The following NAALADL2 variants were observed in gnomAD, a reference collection of about 807,000 sequenced individuals.
NAALADL2 encodes N-acetylated alpha-linked acidic dipeptidase like 2, also known as inactive N-acetylated-alpha-linked acidic dipeptidase-like protein 2.
NAALADL2 carries 76 observed loss-of-function variants against 87.2 expected under a neutral mutation model. The observed-to-expected ratio is 0.87, with a 90% CI of 0.72 to 1.05. The LOEUF (loss-of-function observed/expected upper bound fraction) is 1.05. NAALADL2 is among the 50% of genes least tolerant of loss of function. The pLI is 0.00. For synonymous variants in NAALADL2, 354 were observed against 331.0 expected, an observed-to-expected ratio of 1.07 and a Z score of -0.75; for missense variants, 1,089 against 945.8, an observed-to-expected ratio of 1.15 and a Z score of -1.99.
At chr3:175,340,702 T>C (rs1417437899) in intron 5 of NAALADL2, among the ~76,000 whole-genome samples, 1 of 152,192 alleles carries the variant, frequency 6.6e-6, no homozygotes, top group Non-Finnish European at 1.5e-5. Flanking sequence ...AGGATACAGA[T>C]GCAATTAACA....
chr3:175,545,878 T>A (rs1360693062), intron 9 of NAALADL2, among the ~76,000 whole-genome samples: 2 of 152,156 alleles, frequency 1.3e-5, no homozygotes, highest in African/African-American at 4.8e-5. Context: ...ATAGATCTAT[T>A]GATGAACTTA....
At chr3:175,554,972 A>C (rs1311516563) in intron 9 of NAALADL2, among the ~76,000 whole-genome samples, 1 of 152,158 alleles carries the variant, frequency 6.6e-6, no homozygotes, top group Non-Finnish European at 1.5e-5. Context: ...ATGTAAATCT[A>C]AGAAAGACTT....
At chr3:174,922,774 A>G (rs997525899) in intron 1 of NAALADL2, among the ~76,000 whole-genome samples, 1 of 152,154 alleles carries the variant, frequency 6.6e-6, no homozygotes, top group Non-Finnish European at 1.5e-5. Context: ...TTTTTCCACA[A>G]CAACACTACT....
intron 2 of NAALADL2, among the ~76,000 whole-genome samples, chr3:174,666,101 A>G (rs1199070123): frequency 6.6e-6 from 1 of 152,170 alleles, no homozygotes; most frequent in Non-Finnish European, 1.5e-5. Context: ...TTTTTGGGGT[A>G]TAGTTTATTC....
chr3:175,330,397 C>A (rs1398194750), intron 5 of NAALADL2, among the ~76,000 whole-genome samples: 1 of 151,604 alleles, frequency 6.6e-6, no homozygotes, highest in Non-Finnish European at 1.5e-5. Flanking sequence ...GAGTCATGAT[C>A]ACAGTACTTC....
At chr3:175,753,357 T>A (rs1746848922) in intron 12 of NAALADL2, among the ~76,000 whole-genome samples, 1 of 152,178 alleles carries the variant, frequency 6.6e-6, no homozygotes, top group Non-Finnish European at 1.5e-5. Flanking sequence ...TAAAACTACT[T>A]ATCTCTTTAC....
intron 10 of NAALADL2, among the ~76,000 whole-genome samples, chr3:175,623,878 T>C (rs541778392): frequency 4.0e-5 from 6 of 151,824 alleles, no homozygotes; most frequent in Non-Finnish European, 5.9e-5. Flanking sequence ...CGTTTTTTTG[T>C]TTGTTTGTTT....
intron 13 of NAALADL2, 55 bp downstream of exon 13, chr3:175,755,473 T>G (rs1747148471): frequency 6.1e-6 from 8 of 1,320,214 alleles, no homozygotes; most frequent in Non-Finnish European, 8.2e-6. Context: ...ATGTTTATGT[T>G]TAACTTTCAG....
chr3:175,410,734 G>A (rs1713351564), intron 5 of NAALADL2, among the ~76,000 whole-genome samples: 1 of 152,178 alleles, frequency 6.6e-6, no homozygotes, highest in Non-Finnish European at 1.5e-5. Flanking sequence ...CGACTCTCCT[G>A]AGAGAGTAAT....
chr3:174,589,417 A>C (rs1717114567), intron 2 of NAALADL2, among the ~76,000 whole-genome samples: 1 of 152,164 alleles, frequency 6.6e-6, no homozygotes. Flanking sequence ...CCGGTACCTC[A>C]GTTGGAAATG....
intron 2 of NAALADL2, among the ~76,000 whole-genome samples, chr3:175,203,922 A>C (rs751590704): frequency 6.6e-6 from 1 of 152,250 alleles, no homozygotes; most frequent in Non-Finnish European, 1.5e-5. Flanking sequence ...GAACAAATCA[A>C]TAACAAGCAA....
intron 2 of NAALADL2, among the ~76,000 whole-genome samples, chr3:174,558,497 G>T (rs1279829199): frequency 6.6e-6 from 1 of 152,118 alleles, no homozygotes; most frequent in Non-Finnish European, 1.5e-5. Flanking sequence ...CCATCTGGGG[G>T]TGATGGGAGA....
intron 2 of NAALADL2, among the ~76,000 whole-genome samples, chr3:174,661,990 A>G (rs1189047510): frequency 6.6e-6 from 1 of 152,174 alleles, no homozygotes; most frequent in African/African-American, 2.4e-5. Context: ...TCCAAAGTTG[A>G]GAAGTAATGA....
rs2149279312 is a variant in NAALADL2, at chr3:175,467,051, C to G, written c.1400C>G (p.Thr467Ser). ...SYNGQEWASS[T>S]AIITAFIRAL... ...AATGGACAAGAATGGGCCAGTAGTACTGCAATAATCACAGCGTTTATCCGT... is the reference window on the plus strand; with the variant it reads ...AATGGACAAGAATGGGCCAGTAGTAGTGCAATAATCACAGCGTTTATCCGT... The change falls in exon 8 of 14, where the codon ACT becomes AGT. Residue 467 changes from threonine (T) to serine (S), a missense_variant. Physicochemically the swap from Thr to Ser is moderately conservative, Grantham distance 58. Transcript: ENST00000454872. 6.2e-7 allele frequency: 1 copy of G among 1,613,812 alleles called. No homozygotes were observed. Among genetic ancestry groups the G allele is most frequent in the African/African-American group, 1.3e-5 (1 of 75,030 alleles).
intron 11 of NAALADL2, among the ~76,000 whole-genome samples, chr3:175,659,435 G>A (rs1731952393): frequency 6.6e-6 from 1 of 152,008 alleles, no homozygotes; most frequent in African/African-American, 2.4e-5. Flanking sequence ...TCTATAAAGT[G>A]TTCATTATTT....
chr3:175,070,675 CTT>C lies in NAALADL2; in HGVS notation c.44-26114_44-26113del, dbSNP rs1391765663. On this transcript the variant is annotated intron_variant, in intron 1 of 13. Transcript: ENST00000454872. ...AAATATGCAGATACTTTTTAATAGA[CTT>C]ATATTATTTCAGTTGACTTTTTAAT... 5.9e-5 allele frequency among the ~76,000 whole-genome samples: 9 copies of C among 152,030 alleles called. No individual in the cohort carries two copies. In the East Asian group the frequency reaches 1.2e-3, roughly 20 times the overall value.
chr3:174,457,908 C>G (rs746015609), intron 1 of NAALADL2, among the ~76,000 whole-genome samples: 1 of 152,012 alleles, frequency 6.6e-6, no homozygotes, highest in African/African-American at 2.4e-5. Context: ...AAGTACCACA[C>G]GTTCTCACTT....
chr3:175,091,120 C>T (rs921705612), intron 1 of NAALADL2, among the ~76,000 whole-genome samples: 1 of 152,084 alleles, frequency 6.6e-6, no homozygotes. Flanking sequence ...CAAACATGGA[C>T]TTTATTTGTA....
intron 3 of NAALADL2, among the ~76,000 whole-genome samples, chr3:174,779,959 T>C (rs894703572): frequency 6.6e-6 from 1 of 152,150 alleles, no homozygotes; most frequent in Non-Finnish European, 1.5e-5. Context: ...ATACAGGTTC[T>C]TTTTTGATTC....
Sources: allele counts gnomAD v4.1 joint callset (sites outside exome capture counted in the v4.1 genomes callset), GRCh38; gene constraint gnomAD v4.1.1; transcripts MANE v1.5; gene names NCBI Gene and HGNC (gene_info 2026-07-23, HGNC 2026-07-21).